The following TRDN variants were observed in gnomAD, a reference collection of about 807,000 sequenced individuals.
TRDN encodes the protein triadin.
A neutral mutation model predicts 149.7 loss-of-function variants in TRDN; 161 were observed. The ratio of observed to expected loss-of-function variants is 1.08; its 90% CI spans 0.95 to 1.23. TRDN has a LOEUF of 1.23. Among genes scored for constraint, TRDN ranks in the 50% most tolerant of loss-of-function variants. TRDN has a pLI of 0.00. For missense variants in TRDN, 896 were observed against 823.5 expected (o/e 1.09, Z -1.08); for synonymous variants, 294 against 250.5 (o/e 1.17, Z -1.64).
chr6:123,442,123 G>C (rs1281220071), intron 10 of TRDN: 1 of 152,250 alleles, frequency 6.6e-6, no homozygotes, highest in African/African-American at 2.4e-5. Flanking sequence ...CTACAGAGGG[G>C]TGTGGAGCAC....
rs115584854 is a variant in TRDN at position 123,467,233 on chromosome 6, G to A, written c.854-2250C>T. On this transcript the variant is annotated intron_variant, in intron 9 of 40. Transcript: ENST00000334268. ...ACTGCAGAAAGAGTCTTGAAAGAGAGTAGGTTAACAGCCTAAAAGGAGCCT... is the reference window on the plus strand; with the variant it reads ...ACTGCAGAAAGAGTCTTGAAAGAGAATAGGTTAACAGCCTAAAAGGAGCCT... 5.0e-3 allele frequency among the ~76,000 whole-genome samples: 756 copies of A among 151,566 alleles called. 11 individuals are homozygous for A. Among genetic ancestry groups the A allele is most frequent in the African/African-American group, 0.017 (707 of 41,318 alleles).
chr6:123,566,697 T>C (rs1782313520), intron 2 of TRDN, among the ~76,000 whole-genome samples: 1 of 152,200 alleles, frequency 6.6e-6, no homozygotes, highest in African/African-American at 2.4e-5. Flanking sequence ...GATTATCACA[T>C]GGTACAAAAG....
intron 1 of TRDN, among the ~76,000 whole-genome samples, chr6:123,582,962 T>C (rs959172827): frequency 6.6e-6 from 1 of 151,966 alleles, no homozygotes; most frequent in Non-Finnish European, 1.5e-5. Context: ...TAGTTGTAAT[T>C]TAGAAGTATT....
chr6:123,224,786 A>G (rs1309942645), intron 38 of TRDN, among the ~76,000 whole-genome samples: 1 of 151,790 alleles, frequency 6.6e-6, no homozygotes, highest in East Asian at 1.9e-4. Flanking sequence ...TAAATGTAAA[A>G]CTGAAACACT....
intron 33 of TRDN, among the ~76,000 whole-genome samples, chr6:123,265,052 T>C (rs1217050984): frequency 1.3e-5 from 2 of 152,008 alleles, no homozygotes; most frequent in African/African-American, 4.8e-5. Context: ...AATTGCATTT[T>C]TTGAATCACT....
At chr6:123,610,657 A>G (rs1336857552) in intron 1 of TRDN, among the ~76,000 whole-genome samples, 1 of 152,212 alleles carries the variant, frequency 6.6e-6, no homozygotes, top group Non-Finnish European at 1.5e-5. Flanking sequence ...ATGTACCTTC[A>G]TTTTAAACAG....
intron 24 of TRDN, among the ~76,000 whole-genome samples, chr6:123,303,790 C>G (rs940708846): frequency 3.3e-5 from 5 of 152,044 alleles, no homozygotes; most frequent in Admixed American, 3.3e-4. Flanking sequence ...GCACTGTTCC[C>G]TACAGATGTC....
At chr6:123,491,050 G>A (rs1583136514) in intron 9 of TRDN, among the ~76,000 whole-genome samples, 1 of 151,352 alleles carries the variant, frequency 6.6e-6, no homozygotes, top group South Asian at 2.1e-4. Context: ...AGGTTGCAGT[G>A]AGCCGAGATG....
chr6:123,630,902 T>C (rs1219337917), intron 1 of TRDN, among the ~76,000 whole-genome samples: 1 of 151,962 alleles, frequency 6.6e-6, no homozygotes, highest in Non-Finnish European at 1.5e-5. Flanking sequence ...ATTAACCAAG[T>C]TCATGACCCT....
chr6:123,479,599 C>T (rs1325941346), intron 9 of TRDN, among the ~76,000 whole-genome samples: 1 of 152,150 alleles, frequency 6.6e-6, no homozygotes, highest in Non-Finnish European at 1.5e-5. Flanking sequence ...TTGCCAAATT[C>T]ATCCAACTGA....
intron 1 of TRDN, among the ~76,000 whole-genome samples, chr6:123,632,912 A>G (rs1343795985): frequency 1.3e-5 from 2 of 151,294 alleles, no homozygotes; most frequent in African/African-American, 2.4e-5. Flanking sequence ...ACTCTATGGG[A>G]GTAATGCAGT....
chr6:123,584,912 G>A (rs914587154), intron 1 of TRDN, among the ~76,000 whole-genome samples: 2 of 152,174 alleles, frequency 1.3e-5, no homozygotes, highest in Non-Finnish European at 2.9e-5. Context: ...TGTAAGGCTT[G>A]TCTGGTTTTA....
At chr6:123,223,165 T>C (rs941188692) in intron 39 of TRDN, among the ~76,000 whole-genome samples, 1 of 151,734 alleles carries the variant, frequency 6.6e-6, no homozygotes, top group African/African-American at 2.4e-5. Context: ...GAGGTCATTA[T>C]CCTTGGCAAA....
intron 9 of TRDN, among the ~76,000 whole-genome samples, chr6:123,472,605 C>T (rs1018172714): frequency 3.3e-5 from 5 of 152,232 alleles, no homozygotes; most frequent in Non-Finnish European, 7.3e-5. Flanking sequence ...CTGACTGCCT[C>T]TGTAGGCTCC....
intron 19 of TRDN, among the ~76,000 whole-genome samples, chr6:123,367,554 C>T (rs1781155407): frequency 6.6e-6 from 1 of 152,158 alleles, no homozygotes; most frequent in Admixed American, 6.5e-5. Flanking sequence ...CAAGAAGTGA[C>T]ATACATAACC....
chr6:123,451,817 T>A (rs375839270), intron 10 of TRDN, among the ~76,000 whole-genome samples: 1 of 152,182 alleles, frequency 6.6e-6, no homozygotes, highest in Non-Finnish European at 1.5e-5. Flanking sequence ...CAGACCAATA[T>A]CCTTGATGAA....
chr6:123,433,143 A>AATATATATAT lies in TRDN; in HGVS notation c.1051+4910_1051+4919dup, dbSNP rs540516694. Among the ~76,000 whole-genome samples the AATATATATAT allele has an allele frequency of 1.9e-4, 18 of 96,434 alleles. 1 individual carries two copies. Among genetic ancestry groups the AATATATATAT allele is most frequent in the Admixed American group, 1.2e-3 (11 of 9,364 alleles). The allele number at this position is 96,434 out of a possible 152,430, so 63.3% of individuals were successfully genotyped here. A position where few individuals can be genotyped will look rare whatever the true frequency, so the allele number is the denominator to read the frequency against. ...CACTCCCCTTCCCCCACACATCATA[A>AATATATATAT]ATATATATATATATATATAATATAT... On this transcript the variant is annotated intron_variant, in intron 12 of 40. Coordinates refer to ENST00000334268, the MANE Select transcript of TRDN (RefSeq NM_006073.4).
At chr6:123,419,730 A>G (rs1773814459) in intron 12 of TRDN, among the ~76,000 whole-genome samples, 1 of 152,190 alleles carries the variant, frequency 6.6e-6, no homozygotes, top group Admixed American at 6.5e-5. Flanking sequence ...AAGTGTGATG[A>G]ATAATTATGT....
intron 12 of TRDN, among the ~76,000 whole-genome samples, chr6:123,414,037 T>C (rs922032348): frequency 6.6e-6 from 1 of 152,076 alleles, no homozygotes; most frequent in Admixed American, 6.6e-5. Flanking sequence ...GAAGGCACCT[T>C]TTCAAATGCT....
Sources: gnomAD v4.1 joint callset for allele counts (sites outside exome capture counted in the v4.1 genomes callset) on GRCh38, gnomAD v4.1.1 for gene constraint, MANE v1.5 for transcripts, NCBI Gene and HGNC (gene_info 2026-07-23, HGNC 2026-07-21) for gene names.